Variants in DPY19L1 observed in about 807,000 individuals in gnomAD.
The protein encoded by DPY19L1 is protein C-mannosyl-transferase DPY19L1.
Under a neutral mutation model 96.9 loss-of-function variants are expected in DPY19L1, and 35 were observed. That is an observed-to-expected ratio of 0.36 (90% CI 0.28 to 0.48). The LOEUF (loss-of-function observed/expected upper bound fraction) is 0.48, where lower values mean the gene tolerates loss of function less well. Ranked by LOEUF, DPY19L1 falls within the 20% of genes least tolerant of loss-of-function variation. DPY19L1 has a pLI of 0.99. For synonymous variants in DPY19L1, 205 were observed against 252.6 expected (o/e 0.81, Z 1.79); for missense variants, 521 against 777.9 (o/e 0.67, Z 3.93).
intron 10 of DPY19L1, among the ~76,000 whole-genome samples, chr7:34,960,847 T>C (rs1649233): frequency 0.25 from 38,542 of 151,982 alleles, 5,202 homozygotes; most frequent in Non-Finnish European, 0.31. Context: ...CTTTATAATA[T>C]CAAAGGCAAT....
intron 7 of DPY19L1, among the ~76,000 whole-genome samples, chr7:34,974,225 T>C (rs1784786269): frequency 6.6e-6 from 1 of 152,202 alleles, no homozygotes; most frequent in Non-Finnish European, 1.5e-5. Context: ...ACTATCACAG[T>C]TGTAATAATG....
chr7:34,937,332 C>G (rs1296938456), intron 21 of DPY19L1, among the ~76,000 whole-genome samples: 2 of 152,168 alleles, frequency 1.3e-5, no homozygotes, highest in South Asian at 4.1e-4. Flanking sequence ...TCCCATCCAT[C>G]GACAGGACAT....
chr7:34,945,769 T>A (rs901053558), intron 15 of DPY19L1, 53 bp from the exon 16 acceptor site: 1 of 1,247,722 alleles, frequency 8.0e-7, no homozygotes, highest in African/African-American at 1.5e-5. Flanking sequence ...AAAAATGATA[T>A]TTTAAATAAA....
chr7:35,022,137 T>A (rs1786009368), intron 1 of DPY19L1, among the ~76,000 whole-genome samples: 1 of 152,176 alleles, frequency 6.6e-6, no homozygotes, highest in Admixed American at 6.5e-5. Context: ...TTTATTCCAG[T>A]GTTTATCGAC....
At chr7:35,038,014 A>C, upstream of DPY19L1, 1 of 892,412 alleles carries the variant, frequency 1.1e-6, no homozygotes, top group Non-Finnish European at 1.4e-6. Flanking sequence ...CGGGGCAGGG[A>C]GAAGGCGCCC....
rs539139473 is a variant in DPY19L1 at position 34,949,913 on chromosome 7, A to C, written c.1321-15T>G. 2.2e-6 allele frequency: 3 copies of C among 1,379,058 alleles called. No individual in the cohort carries two copies. In the Admixed American group the frequency reaches 6.0e-5, roughly 28 times the overall value. 85.4% of individuals were successfully genotyped at this position (1,379,058 alleles called of 1,614,324 possible). A position where few individuals can be genotyped will look rare whatever the true frequency, so the allele number is the denominator to read the frequency against. On this transcript the variant is annotated splice_polypyrimidine_tract_variant and intron_variant, in intron 13 of 21. Coordinates refer to ENST00000638088, the MANE Select transcript of DPY19L1 (RefSeq NM_001366673.1). ...CCAATATGAGCCTGGTAAGAAATAA[A>C]GTTACCATTATATTAAGCCATACAC...
chr7:35,034,867 C>G (rs545493914), intron 1 of DPY19L1, among the ~76,000 whole-genome samples: 3 of 152,296 alleles, frequency 2.0e-5, no homozygotes, highest in Non-Finnish European at 4.4e-5. Context: ...GAAAACCAAA[C>G]AGCTATTTTA....
At chr7:34,978,655 C>A (rs1257867650) in intron 7 of DPY19L1, among the ~76,000 whole-genome samples, 1 of 152,044 alleles carries the variant, frequency 6.6e-6, no homozygotes, top group Non-Finnish European at 1.5e-5. Flanking sequence ...TGGTTGCTTT[C>A]TTGGAGTTTT....
intron 21 of DPY19L1, among the ~76,000 whole-genome samples, chr7:34,935,021 G>A (rs1207408769): frequency 6.6e-6 from 1 of 152,204 alleles, no homozygotes; most frequent in East Asian, 1.9e-4. Context: ...GAGGGCTCAA[G>A]TGCACACTTT....
At position 34,940,133 on chromosome 7, in the gene DPY19L1, TTTC is replaced by T. The variant is rs1392534038; in HGVS notation, c.1864+17_1864+19del. ...AACAGCTAAATAATATGACTTTTTT[TTTC>T]TTTTTTTTTTTTTTACCTGGTTTAG... is the stretch of plus-strand genomic sequence containing the variant. On this transcript the variant is annotated intron_variant, in intron 19 of 21. Transcript: ENST00000638088. 4 of 1,461,824 alleles carry T rather than the reference TTTC, an allele frequency of 2.7e-6. No individual in the cohort carries two copies. Among genetic ancestry groups the T allele is most frequent in the South Asian group, 1.4e-5 (1 of 71,400 alleles). The allele number at this position is 1,461,824 out of a possible 1,614,324, so 90.6% of individuals were successfully genotyped here. A position where few individuals can be genotyped will look rare whatever the true frequency, so the allele number is the denominator to read the frequency against.
chr7:34,937,345 T>C (rs1460021932), intron 21 of DPY19L1, among the ~76,000 whole-genome samples: 3 of 152,216 alleles, frequency 2.0e-5, no homozygotes. Flanking sequence ...CAGGACATGG[T>C]GTAGCACAGA....
At chr7:34,997,831 T>C (rs1175806855) in intron 6 of DPY19L1, among the ~76,000 whole-genome samples, 1 of 152,104 alleles carries the variant, frequency 6.6e-6, no homozygotes, top group Non-Finnish European at 1.5e-5. Flanking sequence ...TAGAGGGCAG[T>C]GGAAGAGTGG....
At chr7:34,945,881 C>T (rs1163558085) in intron 15 of DPY19L1, among the ~76,000 whole-genome samples, 165 bp from the exon 16 acceptor site, 4 of 152,246 alleles carry the variant, frequency 2.6e-5, no homozygotes, top group Middle Eastern at 3.4e-3. Flanking sequence ...TGTATAGTAT[C>T]TGATCAAAGC....
intron 1 of DPY19L1, among the ~76,000 whole-genome samples, chr7:35,029,045 G>C (rs1267942536): frequency 6.6e-6 from 1 of 152,148 alleles, no homozygotes; most frequent in East Asian, 1.9e-4. Flanking sequence ...TTATCAGCAG[G>C]GTCTTTGTGA....
rs867171506 is a variant in DPY19L1 at position 34,955,246 on chromosome 7, T to C, written c.1239+62A>G. 7.8e-6 allele frequency: 12 copies of C among 1,541,568 alleles called. No homozygotes were observed. The Middle Eastern group carries it at 8.7e-4, about 112-fold the overall frequency. Reference sequence around the variant, plus strand: ...AGATCATTTTCTTAAAAGTAAAACATAAAACCAATGATATATTTTAGAGAA... The same window carrying C: ...AGATCATTTTCTTAAAAGTAAAACACAAAACCAATGATATATTTTAGAGAA... On this transcript the variant is annotated intron_variant, in intron 12 of 21. Coordinates refer to ENST00000638088, the MANE Select transcript of DPY19L1 (RefSeq NM_001366673.1).
intron 1 of DPY19L1, among the ~76,000 whole-genome samples, chr7:35,021,086 A>T (rs576475460): frequency 9.8e-5 from 15 of 152,300 alleles, no homozygotes; most frequent in African/African-American, 3.6e-4. Flanking sequence ...TTAGTTTCTT[A>T]TTCCTGACAA....
At chr7:35,006,028 T>C (rs554891940) in intron 6 of DPY19L1, among the ~76,000 whole-genome samples, 1 of 152,290 alleles carries the variant, frequency 6.6e-6, no homozygotes, top group Non-Finnish European at 1.5e-5. Context: ...ACCAGGCCTC[T>C]GTATCTCAGT....
intron 13 of DPY19L1, among the ~76,000 whole-genome samples, chr7:34,953,536 C>G (rs1284853197): frequency 6.6e-6 from 1 of 152,182 alleles, no homozygotes; most frequent in Non-Finnish European, 1.5e-5. Flanking sequence ...CCCTGATGCT[C>G]CTCCTGTGTA....
intron 3 of DPY19L1, among the ~76,000 whole-genome samples, chr7:35,014,672 TTA>T (rs1380733247): frequency 6.6e-6 from 1 of 152,188 alleles, no homozygotes; most frequent in African/African-American, 2.4e-5. Context: ...ATTTTTAAAA[TTA>T]TGTTTCCTTG....
Sources: allele counts gnomAD v4.1 joint callset (sites outside exome capture counted in the v4.1 genomes callset), GRCh38; gene constraint gnomAD v4.1.1; transcripts MANE v1.5; gene names NCBI Gene and HGNC (gene_info 2026-07-23, HGNC 2026-07-21).